Variants in POLR3H observed in about 807,000 individuals in gnomAD.
POLR3H encodes the protein RNA polymerase III subunit H.
POLR3H carries 17 observed loss-of-function variants against 25.5 expected under a neutral mutation model. That is an observed-to-expected ratio of 0.67 (90% CI 0.46 to 1.00). POLR3H has a LOEUF of 1.00. POLR3H is among the 50% of genes least tolerant of loss of function. POLR3H has a pLI of 0.00. For synonymous variants in POLR3H, 129 were observed against 103.0 expected, an observed-to-expected ratio of 1.25 and a Z score of -1.53; for missense variants, 274 against 265.0, an observed-to-expected ratio of 1.03 and a Z score of -0.24.
intron 2 of POLR3H, among the ~76,000 whole-genome samples, chr22:41,537,952 C>A (rs1354003491): frequency 6.6e-6 from 1 of 150,910 alleles, no homozygotes; most frequent in Admixed American, 6.6e-5. Context: ...GTGTACACCA[C>A]CAGACCTGGC....
intron 2 of POLR3H, 152 bp downstream of exon 2, chr22:41,540,547 T>C (rs774789097): frequency 1.7e-5 from 12 of 718,948 alleles, no homozygotes; most frequent in East Asian, 5.3e-5. Flanking sequence ...CTTGCTATGT[T>C]GCCCAGGCTG....
chr22:41,541,737 T>A (rs1436783381), intron 1 of POLR3H, among the ~76,000 whole-genome samples: 1 of 152,196 alleles, frequency 6.6e-6, no homozygotes, highest in African/African-American at 2.4e-5. Flanking sequence ...ACCTTCTCTC[T>A]CAAGGTCCAC....
At chr22:41,539,441 G>A (rs1379402554) in intron 2 of POLR3H, 1 of 152,352 alleles carries the variant, frequency 6.6e-6, no homozygotes, top group African/African-American at 2.4e-5. Flanking sequence ...GTTTGGTCCA[G>A]ACATGAGAAT....
At chr22:41,532,804 C>T in intron 2 of POLR3H, 59 bp from the exon 3 acceptor site, 21 of 1,578,680 alleles carry the variant, frequency 1.3e-5, no homozygotes, top group Non-Finnish European at 1.8e-5. Context: ...GCTCCCATGT[C>T]ACCCTCAGGT....
chr22:41,544,164 G>A lies in POLR3H; in HGVS notation c.-63C>T. ...AGTCACGCACCAGGGCCGGGGGCAGGGAGAATCCCCGAGCCCCTTGGTCCC... is the reference window on the plus strand; with the variant it reads ...AGTCACGCACCAGGGCCGGGGGCAGAGAGAATCCCCGAGCCCCTTGGTCCC... On this transcript the variant is annotated 5_prime_UTR_variant, in exon 1 of 6. Coordinates refer to ENST00000355209, the MANE Select transcript of POLR3H (RefSeq NM_001018050.4). 1 of 1,032,948 alleles carries A rather than the reference G, an allele frequency of 9.7e-7. No individual in the cohort carries two copies. Among genetic ancestry groups the A allele is most frequent in the Non-Finnish European group, 1.5e-6 (1 of 679,890 alleles). The allele number at this position is 1,032,948 out of a possible 1,614,324, so 64.0% of individuals were successfully genotyped here.
At chr22:41,540,604 A>T in intron 2 of POLR3H, 95 bp downstream of exon 2, 2 of 921,362 alleles carry the variant, frequency 2.2e-6, no homozygotes, top group South Asian at 1.3e-5. Flanking sequence ...TCAGCCTTAC[A>T]GGCACGCACC....
chr22:41,539,033 T>A (rs2066891204), intron 2 of POLR3H: 1 of 152,186 alleles, frequency 6.6e-6, no homozygotes, highest in South Asian at 2.1e-4. Flanking sequence ...GAGGCCGAGG[T>A]GGGCGGATCA....
Position 41,528,066 on chromosome 22 carries a change from C to T in POLR3H, c.*1217G>A, listed in dbSNP as rs1381026199. 6.2e-7 allele frequency: 1 copy of T among 1,612,764 alleles called. No individual in the cohort carries two copies. The highest frequency in any genetic ancestry group is 8.5e-7 in the Non-Finnish European group (1 of 1,179,676). ...CCTGAGGTGGTGGGGTGAGGGGCAGCCACCTTGTTTCCCCTCCTGCACTGG... is the reference window on the plus strand; with the variant it reads ...CCTGAGGTGGTGGGGTGAGGGGCAGTCACCTTGTTTCCCCTCCTGCACTGG... On this transcript the variant is annotated 3_prime_UTR_variant, in exon 6 of 6. Transcript: ENST00000355209.
chr22:41,538,783 C>A (rs926825403), intron 2 of POLR3H, among the ~76,000 whole-genome samples: 1 of 152,198 alleles, frequency 6.6e-6, no homozygotes, highest in African/African-American at 2.4e-5. Flanking sequence ...TTCGGCCTCT[C>A]GGCGTACCAT....
In POLR3H at chr22:41,527,660, C is replaced by T; in HGVS notation, c.*1623G>A. ...GAGCCGCTGAGATCTAGGACATGTG[C>T]CAGGGGGTTCTTTCTGATCATGAAT... On this transcript the variant is annotated 3_prime_UTR_variant, in exon 6 of 6. Coordinates refer to ENST00000355209, the MANE Select transcript of POLR3H (RefSeq NM_001018050.4). 1.3e-6 allele frequency: 1 copy of T among 784,458 alleles called. No homozygotes were observed. The highest frequency in any genetic ancestry group is 2.0e-6 in the Non-Finnish European group (1 of 504,784). 48.6% of individuals were successfully genotyped at this position (784,458 alleles called of 1,614,324 possible).
intron 2 of POLR3H, among the ~76,000 whole-genome samples, chr22:41,533,219 C>T (rs1360377956): frequency 6.6e-6 from 1 of 152,342 alleles, no homozygotes; most frequent in East Asian, 1.9e-4. Flanking sequence ...TGTGGGTTCT[C>T]AGGCCATGCT....
chr22:41,526,540 A>G lies in POLR3H; in HGVS notation c.*2743T>C, dbSNP rs2066600512. ...TGCAGGGAGGACATTAGGGGAGTGG[A>G]AACTGGGAAGGAGGCCGACCAAGCC... On this transcript the variant is annotated 3_prime_UTR_variant, in exon 6 of 6. Transcript: ENST00000355209. 2 of 1,461,992 alleles carry G rather than the reference A, an allele frequency of 1.4e-6. No individual in the cohort carries two copies. Among genetic ancestry groups the G allele is most frequent in the Non-Finnish European group, 1.8e-6 (2 of 1,086,992 alleles). 90.6% of individuals were successfully genotyped at this position (1,461,992 alleles called of 1,614,324 possible). A position where few individuals can be genotyped will look rare whatever the true frequency, so the allele number is the denominator to read the frequency against.
At position 41,526,136 on chromosome 22, in the gene POLR3H, TG is replaced by T. The variant is rs2066589804; in HGVS notation, c.*3146del. On this transcript the variant is annotated 3_prime_UTR_variant, in exon 6 of 6. Transcript: ENST00000355209. ...ACCACAGAACACGTGTCTGAAGACT[TG>T]CCTGCCTCTCACCCCTCTGTCACCC... 2.6e-6 allele frequency: 2 copies of T among 769,434 alleles called. No homozygotes were observed. Among genetic ancestry groups the T allele is most frequent in the Middle Eastern group, 3.9e-4 (1 of 2,568 alleles). The allele number at this position is 769,434 out of a possible 1,614,324, so 47.7% of individuals were successfully genotyped here. A position where few individuals can be genotyped will look rare whatever the true frequency, so the allele number is the denominator to read the frequency against.
In POLR3H at chr22:41,527,949, C is replaced by T. The variant is rs375761361; in HGVS notation, c.*1334G>A. ...CTGCTGCCTCTGACCTTCGCTGACC[C>T]GGCTGACTACAACAAGATTCACCCT... On this transcript the variant is annotated 3_prime_UTR_variant, in exon 6 of 6. Coordinates refer to ENST00000355209, the MANE Select transcript of POLR3H (RefSeq NM_001018050.4). 4.0e-5 allele frequency: 65 copies of T among 1,614,072 alleles called. No homozygotes were observed. The African/African-American group carries it at 7.5e-4, about 19-fold the overall frequency.
At chr22:41,533,486 T>C (rs184543132) in intron 2 of POLR3H, 45 of 1,177,602 alleles carry the variant, frequency 3.8e-5, no homozygotes, top group Non-Finnish European at 4.7e-5. Flanking sequence ...CACAGCCACA[T>C]AGCCATGGGG....
At chr22:41,533,653 G>A in intron 2 of POLR3H, 1 of 1,304,050 alleles carries the variant, frequency 7.7e-7, no homozygotes, top group Non-Finnish European at 1.0e-6. Flanking sequence ...GGCATCAGCA[G>A]GGCATGAGGA....
rs182842368 is a variant in POLR3H, at chr22:41,532,054, G to C, written c.359+40C>G. On this transcript the variant is annotated intron_variant, in intron 4 of 5. Coordinates refer to ENST00000355209, the MANE Select transcript of POLR3H (RefSeq NM_001018050.4). The stretch of plus-strand genomic sequence containing the variant: ...TGGGGACCTTCCTTTGGAGAGGCCT[G>C]AGCTCCCTGTGACAAACCACTTTAA... The C allele has an allele frequency of 4.9e-4, 785 of 1,593,836 alleles. 3 individuals carry two copies. The Middle Eastern group carries it at 6.8e-3, about 14-fold the overall frequency.
At chr22:41,535,961 C>T (rs1403841463) in intron 2 of POLR3H, among the ~76,000 whole-genome samples, 3 of 151,830 alleles carry the variant, frequency 2.0e-5, no homozygotes, top group African/African-American at 7.2e-5. Context: ...CAGAGTAAAA[C>T]TCTTGCATTT....
intron 1 of POLR3H, among the ~76,000 whole-genome samples, chr22:41,542,348 T>C (rs1453250032): frequency 4.6e-5 from 7 of 152,078 alleles, no homozygotes; most frequent in Admixed American, 3.3e-4. Flanking sequence ...CCTCCCAAAG[T>C]GGTGGGATTA....
Sources: allele counts gnomAD v4.1 joint callset (sites outside exome capture counted in the v4.1 genomes callset), GRCh38; gene constraint gnomAD v4.1.1; transcripts MANE v1.5; gene names NCBI Gene and HGNC (gene_info 2026-07-23, HGNC 2026-07-21).